The following PLB1 variants were observed in gnomAD, a reference collection of about 807,000 sequenced individuals.
The protein encoded by PLB1 is phospholipase B1, membrane-associated.
PLB1 carries 242 observed loss-of-function variants against 227.4 expected under a neutral mutation model. The observed-to-expected ratio is 1.06, with a 90% CI of 0.96 to 1.18. PLB1 has a LOEUF of 1.18. Among genes scored for constraint, PLB1 ranks in the 50% most tolerant of loss-of-function variants. The pLI is 0.00. For missense variants in PLB1, 1,858 were observed against 1,816.3 expected, an observed-to-expected ratio of 1.02 and a Z score of -0.42; for synonymous variants, 757 against 682.2, an observed-to-expected ratio of 1.11 and a Z score of -1.71.
chr2:28,577,944 G>T (rs1278503083), intron 21 of PLB1, among the ~76,000 whole-genome samples, 163 bp from the exon 22 acceptor site: 3 of 152,264 alleles, frequency 2.0e-5, no homozygotes, highest in African/African-American at 4.8e-5. Context: ...CCGCAGTGGA[G>T]CCTGAATGGG....
At chr2:28,531,381 G>A (rs752896025) in intron 8 of PLB1, among the ~76,000 whole-genome samples, 3 of 152,086 alleles carry the variant, frequency 2.0e-5, no homozygotes, top group African/African-American at 4.8e-5. Context: ...GTGCGATCTC[G>A]TTTCATCACA....
chr2:28,541,191 A>AAATAAATAAATAAATAAATG (rs2148208183), intron 12 of PLB1, among the ~76,000 whole-genome samples: 1 of 151,776 alleles, frequency 6.6e-6, no homozygotes, highest in Admixed American at 6.6e-5. Flanking sequence ...TAAATTAAAT[A>AAATAAATAAATAAATAAATG]AATAAATAAA....
chr2:28,536,791 T>C (rs1281004520), intron 9 of PLB1, among the ~76,000 whole-genome samples: 3 of 152,198 alleles, frequency 2.0e-5, no homozygotes, highest in African/African-American at 4.8e-5. Flanking sequence ...TAATGTCTTT[T>C]ACTGAGAAAT....
chr2:28,527,255 C>T (rs532616400), intron 6 of PLB1, among the ~76,000 whole-genome samples: 1 of 152,308 alleles, frequency 6.6e-6, no homozygotes, highest in South Asian at 2.1e-4. Flanking sequence ...GGCCAGGAGT[C>T]CCAGCTGGCC....
chr2:28,510,509 A>G (rs1422210062), intron 1 of PLB1, among the ~76,000 whole-genome samples: 1 of 152,086 alleles, frequency 6.6e-6, no homozygotes, highest in Non-Finnish European at 1.5e-5. Context: ...ATCCTGAAGG[A>G]AGTTCTCATA....
At chr2:28,605,086 GA>G (rs1213272870) in intron 41 of PLB1, among the ~76,000 whole-genome samples, 1 of 152,222 alleles carries the variant, frequency 6.6e-6, no homozygotes, top group African/African-American at 2.4e-5. Flanking sequence ...TCCTTCCTAA[GA>G]TCATTTAGGA....
intron 52 of PLB1, 92 bp from the exon 53 acceptor site, chr2:28,629,002 T>C: frequency 9.5e-7 from 1 of 1,050,808 alleles, no homozygotes; most frequent in Admixed American, 2.3e-5. Context: ...ATTGGTAAAA[T>C]TGAGGGGAGT....
intron 1 of PLB1, among the ~76,000 whole-genome samples, chr2:28,500,050 A>C (rs944642425): frequency 6.6e-6 from 1 of 152,096 alleles, no homozygotes; most frequent in Non-Finnish European, 1.5e-5. Context: ...CTTTTTCCGT[A>C]TTTATTGAGA....
At chr2:28,599,327 G>A (rs920919241) in intron 35 of PLB1, among the ~76,000 whole-genome samples, 4 of 152,242 alleles carry the variant, frequency 2.6e-5, no homozygotes, top group African/African-American at 9.6e-5. Context: ...GGCCCCAGCA[G>A]CCTAGGTCTT....
intron 4 of PLB1, among the ~76,000 whole-genome samples, chr2:28,522,996 C>T (rs1196541166): frequency 1.3e-5 from 2 of 152,148 alleles, no homozygotes; most frequent in Non-Finnish European, 2.9e-5. Flanking sequence ...GTGCCTGGAG[C>T]ATTCTGTAAC....
intron 53 of PLB1, among the ~76,000 whole-genome samples, chr2:28,629,883 G>C (rs965297485): frequency 2.0e-5 from 3 of 152,214 alleles, no homozygotes; most frequent in Admixed American, 6.5e-5. Context: ...CCCACAGTTT[G>C]AGTGATTATT....
chr2:28,632,124 T>C lies in PLB1; in HGVS notation c.3986T>C (p.Leu1329Pro), dbSNP rs2148342127. The change falls in exon 55 of 58, where the codon CTC becomes CCC. Residue 1329 changes from leucine to proline, a missense_variant. Leu to Pro is a moderately conservative substitution (Grantham distance 98). Coordinates refer to ENST00000327757, the MANE Select transcript of PLB1 (RefSeq NM_153021.5). Reference protein sequence around the residue: ...VVVQPFFQNTLTPLNERGDTD... With the variant: ...VVVQPFFQNTPTPLNERGDTD... Reference sequence around the variant, plus strand: ...GTGCAGCCTTTCTTCCAAAACACACTCACCCCACTGAACGAGGTGAGCTGC... The same window carrying C: ...GTGCAGCCTTTCTTCCAAAACACACCCACCCCACTGAACGAGGTGAGCTGC... 6.2e-7 allele frequency: 1 copy of C among 1,613,556 alleles called. No homozygotes were observed. Among genetic ancestry groups the C allele is most frequent in the Middle Eastern group, 1.7e-4 (1 of 6,060 alleles).
chr2:28,525,480 G>A (rs767445957), intron 5 of PLB1, among the ~76,000 whole-genome samples, 173 bp downstream of exon 5: 8 of 152,158 alleles, frequency 5.3e-5, no homozygotes, highest in Non-Finnish European at 1.0e-4. Context: ...CTGCCTCCTT[G>A]TCTAACCCTT....
At chr2:28,599,989 C>T (rs780789143) in intron 35 of PLB1, among the ~76,000 whole-genome samples, 56 of 152,146 alleles carry the variant, frequency 3.7e-4, no homozygotes, top group Non-Finnish European at 6.2e-4. Context: ...TTCACTGCAA[C>T]CTTCACCTCC....
chr2:28,624,177 GT>G (rs1303176550), intron 49 of PLB1, among the ~76,000 whole-genome samples: 1 of 152,196 alleles, frequency 6.6e-6, no homozygotes, highest in Non-Finnish European at 1.5e-5. Context: ...ACCCACAGGA[GT>G]TTTCTCAGGC....
chr2:28,525,335 G>A (rs1441047309), intron 5 of PLB1, 28 bp downstream of exon 5: 1 of 1,608,708 alleles, frequency 6.2e-7, no homozygotes, highest in African/African-American at 1.3e-5. Context: ...ACAGAAAACA[G>A]AAAGGAGCCC....
intron 30 of PLB1, 28 bp from the exon 31 acceptor site, chr2:28,591,672 G>A (rs772448216): frequency 6.2e-7 from 1 of 1,611,074 alleles, no homozygotes. Flanking sequence ...TCAACCCTGA[G>A]ATTCTGGGAT....
At chr2:28,526,366 T>C (rs966717917) in intron 6 of PLB1, among the ~76,000 whole-genome samples, 2 of 152,126 alleles carry the variant, frequency 1.3e-5, no homozygotes, top group African/African-American at 4.8e-5. Context: ...TATTTTATCC[T>C]GTAATATTGC....
intron 20 of PLB1, among the ~76,000 whole-genome samples, chr2:28,568,275 G>A (rs552185710): frequency 1.4e-4 from 22 of 152,314 alleles, no homozygotes; most frequent in Admixed American, 1.1e-3. Flanking sequence ...GTATGCAATA[G>A]CTTTCTGGGC....
Sources: gnomAD v4.1 joint callset for allele counts (sites outside exome capture counted in the v4.1 genomes callset) on GRCh38, gnomAD v4.1.1 for gene constraint, MANE v1.5 for transcripts, NCBI Gene and HGNC (gene_info 2026-07-23, HGNC 2026-07-21) for gene names.